Variants in SMARCD3 observed in about 807,000 individuals in gnomAD.
The protein encoded by SMARCD3 is SWI/SNF-related matrix-associated actin-dependent regulator of chromatin subfamily D member 3.
Under a neutral mutation model 58.0 loss-of-function variants are expected in SMARCD3, and 14 were observed. The ratio of observed to expected loss-of-function variants is 0.24; its 90% CI spans 0.16 to 0.38. The LOEUF (loss-of-function observed/expected upper bound fraction) is 0.38. Ranked by LOEUF, SMARCD3 falls within the 10% of genes least tolerant of loss-of-function variation. The pLI, the probability that SMARCD3 is intolerant of heterozygous loss-of-function variation, is 1.00. For synonymous variants in SMARCD3, 253 were observed against 253.8 expected (o/e 1.00, Z 0.03); for missense variants, 408 against 636.9 (o/e 0.64, Z 3.87).
At position 151,241,813 on chromosome 7, in the gene SMARCD3, T is replaced by G; in HGVS notation, c.777+64A>C. The G allele has an allele frequency of 6.8e-7, 1 of 1,475,042 alleles. No homozygotes were observed. Among genetic ancestry groups the G allele is most frequent in the Non-Finnish European group, 9.4e-7 (1 of 1,069,370 alleles). 91.4% of individuals were successfully genotyped at this position (1,475,042 alleles called of 1,614,324 possible). On this transcript the variant is annotated intron_variant, in intron 7 of 12. Coordinates refer to ENST00000262188, the MANE Select transcript of SMARCD3 (RefSeq NM_001003801.2). This position sits in a 1 kb window ranked among gnomAD's most constrained non-coding sequence, Gnocchi z 5.3. ...GGAGGTCTCTCAAGATGCACCACTTTGGGACCTAGCCCTGCCCTGAGGGCC... is the reference window on the plus strand; with the variant it reads ...GGAGGTCTCTCAAGATGCACCACTTGGGGACCTAGCCCTGCCCTGAGGGCC...
At chr7:151,256,896 T>C (rs1803718620) in intron 2 of SMARCD3, among the ~76,000 whole-genome samples, 1 of 152,112 alleles carries the variant, frequency 6.6e-6, no homozygotes, top group South Asian at 2.1e-4. Context: ...CGTGCCTCCG[T>C]GTGCCAGCTC....
intron 2 of SMARCD3, among the ~76,000 whole-genome samples, chr7:151,274,531 G>T (rs1376315007): frequency 6.6e-6 from 1 of 152,242 alleles, no homozygotes; most frequent in Admixed American, 6.5e-5. Flanking sequence ...TCCCACTGCG[G>T]GCTGTGCAGT....
intron 2 of SMARCD3, among the ~76,000 whole-genome samples, chr7:151,262,324 C>T (rs561697302): frequency 5.3e-4 from 81 of 152,146 alleles, no homozygotes; most frequent in Non-Finnish European, 9.7e-4. Flanking sequence ...TCAAGGAATC[C>T]TCTCACCTTG....
Position 151,239,988 on chromosome 7 carries a change from C to CTT in SMARCD3, c.1173+122_1173+123dup, listed in dbSNP as rs552440384. 5.3e-3 allele frequency: 4,353 copies of CTT among 827,002 alleles called. 1 individual carries two copies. The highest frequency in any genetic ancestry group is 5.9e-3 in the Non-Finnish European group (3,274 of 555,658). The allele number at this position is 827,002 out of a possible 1,614,324, so 51.2% of individuals were successfully genotyped here. On this transcript the variant is annotated intron_variant, in intron 10 of 12. Coordinates refer to ENST00000262188, the MANE Select transcript of SMARCD3 (RefSeq NM_001003801.2). The surrounding 1 kb of genome is among the most constrained non-coding windows in gnomAD (Gnocchi z 7.0). ...GTCCCATTGGCCCAGAGTCTGGTCT[C>CTT]TTTTTTTTTTTTTTTTTTAATTTAA...
chr7:151,269,014 T>A (rs1584896972), intron 2 of SMARCD3, among the ~76,000 whole-genome samples: 1 of 152,234 alleles, frequency 6.6e-6, no homozygotes, highest in Admixed American at 6.5e-5. Flanking sequence ...GGTCACTGTG[T>A]TTGTGGCAGC....
chr7:151,258,065 C>T (rs1188961320), intron 2 of SMARCD3, among the ~76,000 whole-genome samples: 2 of 152,140 alleles, frequency 1.3e-5, no homozygotes, highest in African/African-American at 2.4e-5. Context: ...TGCCCAGGCC[C>T]ACACCTTGGA....
chr7:151,252,874 G>A (rs1803573265), upstream of SMARCD3, among the ~76,000 whole-genome samples: 1 of 152,180 alleles, frequency 6.6e-6, no homozygotes, highest in Admixed American at 6.5e-5. Context: ...GCTATCAAGG[G>A]GGCTGTCTCT....
Position 151,245,218 on chromosome 7 carries a change from G to C in SMARCD3, c.290+242C>G, listed in dbSNP as rs1445310372. On this transcript the variant is annotated intron_variant, in intron 2 of 12. Coordinates refer to ENST00000262188, the MANE Select transcript of SMARCD3 (RefSeq NM_001003801.2). The surrounding 1 kb of genome is among the most constrained non-coding windows in gnomAD (Gnocchi z 6.2). ...GGTGACAAGGAGAAGGGTGAGGGGAGCGTGCAGGGAAGCGGTACCGGCTGC... is the reference window on the plus strand; with the variant it reads ...GGTGACAAGGAGAAGGGTGAGGGGACCGTGCAGGGAAGCGGTACCGGCTGC... Among the ~76,000 whole-genome samples, 1 of 115,282 alleles carries C rather than the reference G, an allele frequency of 8.7e-6. No homozygotes were observed. The highest frequency in any genetic ancestry group is 1.8e-5 in the Non-Finnish European group (1 of 54,450). 75.6% of individuals were successfully genotyped at this position (115,282 alleles called of 152,430 possible).
At chr7:151,277,065 C>T (rs1218842190), upstream of SMARCD3, 2 of 149,420 alleles carry the variant, frequency 1.3e-5, no homozygotes, top group African/African-American at 2.4e-5. Flanking sequence ...CCGCGCGGCG[C>T]GGGTCGCTCA....
At chr7:151,266,509 G>A (rs760062201) in intron 2 of SMARCD3, among the ~76,000 whole-genome samples, 4 of 152,034 alleles carry the variant, frequency 2.6e-5, no homozygotes, top group Non-Finnish European at 5.9e-5. Context: ...TGTGACCATC[G>A]ATCTGCATCT....
rs1175021023 is a variant in SMARCD3 at position 151,245,085 on chromosome 7, G to T, written c.290+375C>A. ...AGGCTCAGCGGAGAACCACACTTTG[G>T]GGAACACAGTCCTACACCTCTGCCC... On this transcript the variant is annotated intron_variant, in intron 2 of 12. Coordinates refer to ENST00000262188, the MANE Select transcript of SMARCD3 (RefSeq NM_001003801.2). This position sits in a 1 kb window ranked among gnomAD's most constrained non-coding sequence, Gnocchi z 6.2. Among the ~76,000 whole-genome samples, 1 of 152,152 alleles carries T rather than the reference G, an allele frequency of 6.6e-6. No individual in the cohort carries two copies. The highest frequency in any genetic ancestry group is 2.4e-5 in the African/African-American group (1 of 41,408).
intron 2 of SMARCD3, among the ~76,000 whole-genome samples, chr7:151,264,057 G>GTTTT: frequency 1.8e-5 from 2 of 114,056 alleles, no homozygotes; most frequent in African/African-American, 7.6e-5. Context: ...CTGAAGACAG[G>GTTTT]ATTTTTTTTT....
chr7:151,260,476 T>C (rs1320267956), intron 2 of SMARCD3, among the ~76,000 whole-genome samples: 2 of 152,226 alleles, frequency 1.3e-5, no homozygotes, highest in Non-Finnish European at 2.9e-5. Context: ...TGTGGAAATA[T>C]TACTTTTTAG....
At chr7:151,255,836 G>A (rs1238014797) in intron 2 of SMARCD3, among the ~76,000 whole-genome samples, 2 of 151,364 alleles carry the variant, frequency 1.3e-5, no homozygotes, top group Non-Finnish European at 2.9e-5. Flanking sequence ...TGGTTGTTTT[G>A]ACGGTGACAC....
upstream of SMARCD3, among the ~76,000 whole-genome samples, chr7:151,251,356 G>A (rs1803503331): frequency 6.6e-6 from 1 of 152,156 alleles, no homozygotes; most frequent in South Asian, 2.1e-4. Context: ...AGCACCAAAA[G>A]GTCGAGGAAG....
chr7:151,261,811 C>A (rs1213511149), intron 2 of SMARCD3, among the ~76,000 whole-genome samples: 1 of 152,208 alleles, frequency 6.6e-6, no homozygotes, highest in Non-Finnish European at 1.5e-5. Flanking sequence ...ATGACGGGTA[C>A]AAGCGAGGGC....
intron 2 of SMARCD3, among the ~76,000 whole-genome samples, chr7:151,266,128 C>G (rs1049756266): frequency 2.6e-5 from 4 of 151,998 alleles, no homozygotes; most frequent in Admixed American, 2.0e-4. Flanking sequence ...TGCCACCAGG[C>G]CCAGCTAATT....
rs1802805173 is a variant in SMARCD3 at position 151,239,014 on chromosome 7, T to C, written c.*89A>G. On this transcript the variant is annotated 3_prime_UTR_variant, in exon 13 of 13. Transcript: ENST00000262188. The surrounding 1 kb of genome is among the most constrained non-coding windows in gnomAD (Gnocchi z 7.0). Reference sequence around the variant, plus strand: ...TTTAATCCAGCCCCACACCCCAAGGTGGCAGAGGAGTGATGCTGGAGCCCG... The same window carrying C: ...TTTAATCCAGCCCCACACCCCAAGGCGGCAGAGGAGTGATGCTGGAGCCCG... The C allele has an allele frequency of 7.6e-7, 1 of 1,323,508 alleles. No individual in the cohort carries two copies. The highest frequency in any genetic ancestry group is 1.1e-6 in the Non-Finnish European group (1 of 916,448). The allele number at this position is 1,323,508 out of a possible 1,614,324, so 82.0% of individuals were successfully genotyped here.
chr7:151,244,914 C>G (rs1375697984), intron 2 of SMARCD3, among the ~76,000 whole-genome samples: 2 of 152,114 alleles, frequency 1.3e-5, no homozygotes, highest in African/African-American at 4.8e-5. Flanking sequence ...GAGAGCAGAC[C>G]TGGGCCAGAG....
Sources: gnomAD v4.1 joint callset for allele counts (sites outside exome capture counted in the v4.1 genomes callset) on GRCh38, gnomAD v4.1.1 for gene constraint, Gnocchi (gnomAD v3.1) non-coding constraint, MANE v1.5 for transcripts, NCBI Gene and HGNC (gene_info 2026-07-23, HGNC 2026-07-21) for gene names.